Variants in KLHL1 observed in about 807,000 individuals in gnomAD.
The protein encoded by KLHL1 is kelch like family member 1.
In KLHL1, 47 loss-of-function variants were observed where a neutral mutation model predicts 77.7. The ratio of observed to expected loss-of-function variants is 0.60; its 90% CI spans 0.48 to 0.77. The LOEUF (loss-of-function observed/expected upper bound fraction) is 0.77. Ranked by LOEUF, KLHL1 falls within the 30% of genes least tolerant of loss-of-function variation. KLHL1 has a pLI of 0.00. For missense variants in KLHL1, 925 were observed against 910.8 expected (o/e 1.02, Z -0.20); for synonymous variants, 360 against 325.2 (o/e 1.11, Z -1.15).
At chr13:69,972,393 C>T (rs960315639) in intron 2 of KLHL1, among the ~76,000 whole-genome samples, 2 of 151,776 alleles carry the variant, frequency 1.3e-5, no homozygotes, top group Non-Finnish European at 2.9e-5. Flanking sequence ...TTTTTAAATG[C>T]CAAGTGTTTT....
intron 7 of KLHL1, among the ~76,000 whole-genome samples, chr13:69,758,430 T>C (rs1480545818): frequency 2.0e-5 from 3 of 152,102 alleles, no homozygotes; most frequent in African/African-American, 7.2e-5. Flanking sequence ...TCTGTACCAT[T>C]TTTTCCTTCA....
At chr13:69,985,404 A>G (rs1211899552) in intron 1 of KLHL1, among the ~76,000 whole-genome samples, 1 of 152,108 alleles carries the variant, frequency 6.6e-6, no homozygotes, top group African/African-American at 2.4e-5. Flanking sequence ...CAACTTCATT[A>G]ATCATCAGAT....
At chr13:69,719,286 T>A in intron 9 of KLHL1, 83 bp downstream of exon 9, 1 of 1,195,338 alleles carries the variant, frequency 8.4e-7, no homozygotes, top group Non-Finnish European at 1.2e-6. Context: ...TCCTAAATAA[T>A]GCAATTTTTC....
chr13:69,938,317 A>G (rs1010698336), intron 4 of KLHL1, among the ~76,000 whole-genome samples: 2 of 152,094 alleles, frequency 1.3e-5, no homozygotes, highest in African/African-American at 4.8e-5. Flanking sequence ...AGCAGATATT[A>G]TATATCACAG....
intron 6 of KLHL1, among the ~76,000 whole-genome samples, chr13:69,830,700 C>T (rs1878728156): frequency 6.7e-6 from 1 of 149,942 alleles, no homozygotes; most frequent in Non-Finnish European, 1.5e-5. Flanking sequence ...TGACAACCCA[C>T]AAAACAAGTC....
At chr13:69,947,574 G>C (rs1032178300) in intron 3 of KLHL1, among the ~76,000 whole-genome samples, 2 of 151,378 alleles carry the variant, frequency 1.3e-5, no homozygotes, top group African/African-American at 4.9e-5. Flanking sequence ...GAAAAAAAAA[G>C]AATTTTCACA....
At chr13:69,783,884 T>A (rs1876366600) in intron 7 of KLHL1, among the ~76,000 whole-genome samples, 1 of 151,626 alleles carries the variant, frequency 6.6e-6, no homozygotes, top group East Asian at 1.9e-4. Flanking sequence ...ATTGTCAGAT[T>A]CACCAAAGTT....
chr13:69,891,682 G>A (rs888934704), intron 4 of KLHL1, among the ~76,000 whole-genome samples: 5 of 151,704 alleles, frequency 3.3e-5, no homozygotes, highest in Non-Finnish European at 7.4e-5. Flanking sequence ...ACATTTTGCT[G>A]GTTTGTTTCG....
intron 1 of KLHL1, among the ~76,000 whole-genome samples, chr13:69,988,107 C>G (rs1191810000): frequency 2.0e-5 from 3 of 151,832 alleles, no homozygotes; most frequent in African/African-American, 7.3e-5. Context: ...GGAACCTCTC[C>G]TTCCTCCCAT....
At chr13:69,831,198 A>C (rs912123361) in intron 6 of KLHL1, among the ~76,000 whole-genome samples, 1 of 150,106 alleles carries the variant, frequency 6.7e-6, no homozygotes, top group South Asian at 2.1e-4. Context: ...ATAGACCATT[A>C]GTGAGATTAA....
Position 70,024,381 on chromosome 13 carries a change from AAG to A in KLHL1, c.498-48581_498-48580del, listed in dbSNP as rs901118400. On this transcript the variant is annotated intron_variant, in intron 1 of 10. Coordinates refer to ENST00000377844, the MANE Select transcript of KLHL1 (RefSeq NM_020866.3). The stretch of plus-strand genomic sequence containing the variant: ...GAAAGATAGAGAGTGAGAAAGGGGG[AAG>A]AGAGAGAGATTGAGGAAAAAACTCA... Among the ~76,000 whole-genome samples the A allele has an allele frequency of 1.6e-4, 24 of 151,232 alleles. No homozygotes were observed. The Admixed American group carries it at 1.6e-3, about 10-fold the overall frequency.
intron 8 of KLHL1, among the ~76,000 whole-genome samples, chr13:69,737,950 A>G (rs542351630): frequency 6.6e-6 from 1 of 152,228 alleles, no homozygotes; most frequent in South Asian, 2.1e-4. Flanking sequence ...AGACCTGCAA[A>G]CAGAAGTCTC....
intron 7 of KLHL1, among the ~76,000 whole-genome samples, chr13:69,760,074 T>A (rs9592655): frequency 0.011 from 1,667 of 152,292 alleles, 14 homozygotes; most frequent in Non-Finnish European, 0.018. Context: ...CTGGTAAATG[T>A]CAAAAACGTA....
intron 7 of KLHL1, among the ~76,000 whole-genome samples, chr13:69,787,231 G>C (rs1876602323): frequency 6.6e-6 from 1 of 152,230 alleles, no homozygotes; most frequent in African/African-American, 2.4e-5. Context: ...AACAAAGCTG[G>C]AGGCATCATG....
intron 4 of KLHL1, among the ~76,000 whole-genome samples, chr13:69,937,856 G>T (rs1011478963): frequency 6.6e-6 from 1 of 152,094 alleles, no homozygotes; most frequent in South Asian, 2.1e-4. Context: ...CCAGACCTTT[G>T]GTCTTTGAAG....
chr13:69,967,877 T>C (rs1771920994), intron 2 of KLHL1, among the ~76,000 whole-genome samples: 1 of 131,094 alleles, frequency 7.6e-6, no homozygotes, highest in African/African-American at 3.0e-5. Flanking sequence ...CAAAGCAAGA[T>C]GCTGAATCAA....
intron 5 of KLHL1, among the ~76,000 whole-genome samples, chr13:69,854,810 G>T (rs61963757): frequency 0.13 from 19,875 of 151,950 alleles, 1,463 homozygotes; most frequent in East Asian, 0.25. Flanking sequence ...ACAAAACACT[G>T]TTATATGTGA....
At chr13:70,014,522 C>A (rs113410692) in intron 1 of KLHL1, among the ~76,000 whole-genome samples, 343 of 151,166 alleles carry the variant, frequency 2.3e-3, no homozygotes, top group African/African-American at 7.9e-3. Context: ...TTAAGAAAAT[C>A]ATCACTGAGT....
At chr13:69,761,085 C>A (rs982491040) in intron 7 of KLHL1, among the ~76,000 whole-genome samples, 1 of 152,122 alleles carries the variant, frequency 6.6e-6, no homozygotes, top group Non-Finnish European at 1.5e-5. Flanking sequence ...CCACTTCTGG[C>A]ACCATCTGTT....
Sources: gnomAD v4.1 joint callset for allele counts (sites outside exome capture counted in the v4.1 genomes callset) on GRCh38, gnomAD v4.1.1 for gene constraint, MANE v1.5 for transcripts, NCBI Gene and HGNC (gene_info 2026-07-23, HGNC 2026-07-21) for gene names.